The following CA8 variants were observed in gnomAD, a reference collection of about 807,000 sequenced individuals.
CA8 encodes carbonic anhydrase-related protein.
A neutral mutation model predicts 41.4 loss-of-function variants in CA8; 22 were observed. That is an observed-to-expected ratio of 0.53 (90% confidence interval 0.38 to 0.76). The LOEUF (loss-of-function observed/expected upper bound fraction) is 0.76, where lower values mean the gene tolerates loss of function less well. Among genes scored for constraint, CA8 ranks in the 30% least tolerant of loss-of-function variants. CA8 has a pLI of 0.00. For missense variants in CA8, 270 were observed against 352.8 expected (o/e 0.77, Z 1.88); for synonymous variants, 121 against 130.6 (o/e 0.93, Z 0.50).
At chr8:60,231,666 C>A (rs1425216888) in intron 4 of CA8, among the ~76,000 whole-genome samples, 1 of 152,146 alleles carries the variant, frequency 6.6e-6, no homozygotes, top group African/African-American at 2.4e-5. Context: ...GGTAATAAGA[C>A]AAAATTTAGA....
chr8:60,271,170 C>T (rs1161173259), intron 2 of CA8, among the ~76,000 whole-genome samples: 1 of 152,008 alleles, frequency 6.6e-6, no homozygotes, highest in Admixed American at 6.6e-5. Flanking sequence ...TAGCAAGACC[C>T]CTGTCTCTAC....
intron 3 of CA8, among the ~76,000 whole-genome samples, chr8:60,261,058 C>T (rs1031768541): frequency 6.6e-6 from 1 of 152,004 alleles, no homozygotes; most frequent in African/African-American, 2.4e-5. Flanking sequence ...ACACTAAATA[C>T]TAGATGCTAC....
At chr8:60,198,955 G>C (rs1193895718) in intron 8 of CA8, among the ~76,000 whole-genome samples, 1 of 152,000 alleles carries the variant, frequency 6.6e-6, no homozygotes, top group Non-Finnish European at 1.5e-5. Context: ...GATGCCATTA[G>C]AGAAACATTG....
At chr8:60,257,164 A>G (rs11781514) in intron 3 of CA8, among the ~76,000 whole-genome samples, 76,512 of 151,492 alleles carry the variant, frequency 0.51, 21,295 homozygotes, top group African/African-American at 0.76. Flanking sequence ...CTTCAGTAGA[A>G]ACAGGATTTT....
At chr8:60,221,382 G>A (rs779854658) in intron 7 of CA8, among the ~76,000 whole-genome samples, 12 of 152,168 alleles carry the variant, frequency 7.9e-5, no homozygotes, top group Non-Finnish European at 1.6e-4. Flanking sequence ...TCTGTGTCCA[G>A]TTAGCATTCA....
intron 8 of CA8, among the ~76,000 whole-genome samples, chr8:60,204,925 C>T (rs765634110): frequency 5.3e-5 from 8 of 152,148 alleles, no homozygotes; most frequent in Non-Finnish European, 1.2e-4. Context: ...TAATGCCTTA[C>T]CCTCTTCTAA....
chr8:60,204,010 A>T (rs1052193898), intron 8 of CA8, among the ~76,000 whole-genome samples: 2 of 152,208 alleles, frequency 1.3e-5, no homozygotes, highest in Admixed American at 6.5e-5. Flanking sequence ...CTGTCCAGGC[A>T]GGTTCCCACC....
chr8:60,204,397 T>C (rs1303278070), intron 8 of CA8, among the ~76,000 whole-genome samples: 1 of 152,208 alleles, frequency 6.6e-6, no homozygotes, highest in Non-Finnish European at 1.5e-5. Context: ...CACAATTTTG[T>C]TTTAATTCAT....
intron 3 of CA8, among the ~76,000 whole-genome samples, chr8:60,241,856 G>C (rs1374904679): frequency 6.6e-6 from 1 of 152,032 alleles, no homozygotes; most frequent in South Asian, 2.1e-4. Context: ...ATTGTCAACG[G>C]GTCTTGTTAT....
At chr8:60,193,036 T>C (rs1043681519) in intron 8 of CA8, among the ~76,000 whole-genome samples, 4 of 151,872 alleles carry the variant, frequency 2.6e-5, no homozygotes, top group Non-Finnish European at 5.9e-5. Flanking sequence ...TATGGCTATA[T>C]AGTAAATCTG....
chr8:60,239,616 T>C (rs1033832649), intron 3 of CA8, among the ~76,000 whole-genome samples: 6 of 152,220 alleles, frequency 3.9e-5, no homozygotes, highest in African/African-American at 1.4e-4. Context: ...AAGCTTGCCC[T>C]AGAGAAATGT....
rs1805946938 is a variant in CA8, at chr8:60,185,775, G to T, written c.*4246C>A. 6.6e-6 allele frequency among the ~76,000 whole-genome samples: 1 copy of T among 151,656 alleles called. No homozygotes were observed. The highest frequency in any genetic ancestry group is 2.4e-5 in the African/African-American group (1 of 41,264). ...CTAAAGATTTGTCCCTATCAGATTT[G>T]CCTTATATAAAAATATATTAAAAAA... On this transcript the variant is annotated 3_prime_UTR_variant, in exon 9 of 9. Coordinates refer to ENST00000317995, the MANE Select transcript of CA8 (RefSeq NM_004056.6).
intron 6 of CA8, among the ~76,000 whole-genome samples, chr8:60,224,015 TA>T (rs1325585395): frequency 6.6e-6 from 1 of 152,256 alleles, no homozygotes; most frequent in African/African-American, 2.4e-5. Flanking sequence ...ATACAAAGTT[TA>T]TTTTACTCTA....
intron 3 of CA8, among the ~76,000 whole-genome samples, chr8:60,261,133 T>C (rs908548528): frequency 5.3e-5 from 8 of 152,100 alleles, no homozygotes; most frequent in African/African-American, 1.9e-4. Context: ...AGGGGCCAAA[T>C]ATAGTTTAAG....
rs1402168697 is a variant in CA8 at position 60,188,562 on chromosome 8, T to A, written c.*1459A>T. ...TTTGTCACAGTTTTGTAACCATGCT[T>A]CACCGTTTCCTCATTGTTGGACACT... On this transcript the variant is annotated 3_prime_UTR_variant, in exon 9 of 9. Coordinates refer to ENST00000317995, the MANE Select transcript of CA8 (RefSeq NM_004056.6). The A allele has an allele frequency of 6.6e-6, 1 of 152,240 alleles. No homozygotes were observed. Among genetic ancestry groups the A allele is most frequent in the Non-Finnish European group, 1.5e-5 (1 of 68,052 alleles). The allele number at this position is 152,240 out of a possible 1,614,324, so 9.4% of individuals were successfully genotyped here.
rs1806329050 is a variant in CA8, at chr8:60,198,097, C to T, written c.*36-8112G>A. Among the ~76,000 whole-genome samples, 3 of 152,158 alleles carry T rather than the reference C, an allele frequency of 2.0e-5. No individual in the cohort carries two copies. In the South Asian group the frequency reaches 6.2e-4, roughly 31 times the overall value. On this transcript the variant is annotated intron_variant, in intron 8 of 8. Coordinates refer to ENST00000317995, the MANE Select transcript of CA8 (RefSeq NM_004056.6). ...TAAACACAGTGCATAATGTTCTGCACTTTGCTGTTGTGAAATGTGGTGTCG... is the reference window on the plus strand; with the variant it reads ...TAAACACAGTGCATAATGTTCTGCATTTTGCTGTTGTGAAATGTGGTGTCG...
At position 60,202,106 on chromosome 8, in the gene CA8, C is replaced by T. The variant is rs192965989; in HGVS notation, c.*35+6644G>A. ...TCGCCCAGGTTGGAGTGCAGTGGCA[C>T]GATCTCGGATCACTGCAAGCTCCAC... On this transcript the variant is annotated intron_variant, in intron 8 of 8. Transcript: ENST00000317995. Among the ~76,000 whole-genome samples, 540 of 150,856 alleles carry T rather than the reference C, an allele frequency of 3.6e-3. 1 individual carries two copies. The highest frequency in any genetic ancestry group is 6.1e-3 in the Non-Finnish European group (413 of 67,806).
chr8:60,212,474 G>A (rs1429511548), intron 7 of CA8, among the ~76,000 whole-genome samples: 1 of 152,094 alleles, frequency 6.6e-6, no homozygotes, highest in Admixed American at 6.5e-5. Flanking sequence ...TGGGAGTGCA[G>A]GTATCTCTTC....
chr8:60,243,321 C>T (rs150852855), intron 3 of CA8, among the ~76,000 whole-genome samples: 6 of 152,148 alleles, frequency 3.9e-5, no homozygotes, highest in African/African-American at 1.4e-4. Context: ...CTCCTTTCTG[C>T]CACAGCACTC....
Sources: allele counts gnomAD v4.1 joint callset (sites outside exome capture counted in the v4.1 genomes callset), GRCh38; gene constraint gnomAD v4.1.1; transcripts MANE v1.5; gene names NCBI Gene and HGNC (gene_info 2026-07-23, HGNC 2026-07-21).